KCNK5: variants seen among roughly 807,000 people sequenced by gnomAD.
KCNK5 encodes potassium channel subfamily K member 5.
KCNK5 carries 18 observed loss-of-function variants against 32.9 expected under a neutral mutation model. The observed-to-expected ratio is 0.55, with a 90% CI of 0.38 to 0.81. The LOEUF is 0.81. Among genes scored for constraint, KCNK5 ranks in the 30% least tolerant of loss-of-function variants. KCNK5 has a pLI of 0.00. For missense variants in KCNK5, 507 were observed against 651.0 expected (o/e 0.78, Z 2.41); for synonymous variants, 276 against 275.3 (o/e 1.00, Z -0.03).
rs1771725135 is a variant in KCNK5 at position 39,229,135 on chromosome 6, G to C, written c.-24C>G. The C allele has an allele frequency of 1.2e-6, 2 of 1,612,352 alleles. No homozygotes were observed. Among genetic ancestry groups the C allele is most frequent in the African/African-American group, 1.3e-5 (1 of 75,034 alleles). On this transcript the variant is annotated 5_prime_UTR_variant, in exon 1 of 5. Coordinates refer to ENST00000359534, the MANE Select transcript of KCNK5 (RefSeq NM_003740.4). ...ATGGCTCCCGAGCGGCCGCCTCCTAGAGAAAGCCTCTCCTAGCCCCAGCTG... is the reference window on the plus strand; with the variant it reads ...ATGGCTCCCGAGCGGCCGCCTCCTACAGAAAGCCTCTCCTAGCCCCAGCTG...
Position 39,191,389 on chromosome 6 carries a change from A to C in KCNK5, c.1001T>G (p.Leu334Arg). 2 of 1,613,314 alleles carry C rather than the reference A, an allele frequency of 1.2e-6. No homozygotes were observed. Among genetic ancestry groups the C allele is most frequent in the Non-Finnish European group, 8.5e-7 (1 of 1,179,990 alleles). ...CACCAGGGAAGGGGGCAGTGCTGGG[A>C]GCCCACCGCCTTGAGGCCCCAGCCC... ...GPGLGPQGGG[L>R]PALPPSLVPL... is the part of the protein sequence containing the mutation. The change falls in exon 5 of 5, where the codon CTC becomes CGC. Residue 334 changes from leucine (L) to arginine (R), a missense_variant. This residue lies in a region of KCNK5 where 252 missense variants were observed against 250.8 expected (regional missense o/e 1.00). Coordinates refer to ENST00000359534, the MANE Select transcript of KCNK5 (RefSeq NM_003740.4). This position sits in a 1 kb window ranked among gnomAD's most constrained non-coding sequence, Gnocchi z 5.8.
chr6:39,204,888 G>T (rs937801083), intron 1 of KCNK5, among the ~76,000 whole-genome samples: 5 of 152,252 alleles, frequency 3.3e-5, no homozygotes, highest in Non-Finnish European at 4.4e-5. Context: ...CTCACGCTCA[G>T]GAGGGCAAGC....
In KCNK5 at chr6:39,210,043, G is replaced by A. The variant is rs116313929; in HGVS notation, c.187-14056C>T. ...GGGTAAGAGTGCTTTGTATGTGGCC[G>A]GGAGGATATAATGAAAGAAGGGAAA... On this transcript the variant is annotated intron_variant, in intron 1 of 4. Coordinates refer to ENST00000359534, the MANE Select transcript of KCNK5 (RefSeq NM_003740.4). Among the ~76,000 whole-genome samples the A allele has an allele frequency of 5.8e-3, 878 of 152,262 alleles. 7 individuals carry two copies. The highest frequency in any genetic ancestry group is 0.02 in the African/African-American group (822 of 41,556).
At chr6:39,210,214 A>G (rs1252081237) in intron 1 of KCNK5, among the ~76,000 whole-genome samples, 2 of 152,088 alleles carry the variant, frequency 1.3e-5, no homozygotes, top group Non-Finnish European at 2.9e-5. Context: ...GTCTCCCCTC[A>G]AGCCTGCTGA....
chr6:39,228,255 C>T (rs1171716941), intron 1 of KCNK5, among the ~76,000 whole-genome samples: 1 of 152,192 alleles, frequency 6.6e-6, no homozygotes, highest in Non-Finnish European at 1.5e-5. Context: ...CAACCTGCTA[C>T]TTTCACAAAG....
At chr6:39,218,395 A>G (rs1267905458) in intron 1 of KCNK5, among the ~76,000 whole-genome samples, 1 of 152,140 alleles carries the variant, frequency 6.6e-6, no homozygotes, top group Non-Finnish European at 1.5e-5. Flanking sequence ...AGGGATTAGA[A>G]ATAAAGTGAG....
intron 1 of KCNK5, among the ~76,000 whole-genome samples, chr6:39,207,107 C>T (rs1390641625): frequency 1.3e-5 from 2 of 152,222 alleles, no homozygotes; most frequent in Non-Finnish European, 2.9e-5. Context: ...GTTCACCCCC[C>T]TGTGCCTTTG....
At chr6:39,223,184 T>C (rs1309368248) in intron 1 of KCNK5, among the ~76,000 whole-genome samples, 2 of 152,178 alleles carry the variant, frequency 1.3e-5, no homozygotes, top group Admixed American at 1.3e-4. Flanking sequence ...AAATGGCAGC[T>C]AACACTTAGT....
At position 39,194,114 on chromosome 6, in the gene KCNK5, T is replaced by G. The variant is rs1005570971; in HGVS notation, c.634+55A>C. On this transcript the variant is annotated intron_variant, in intron 4 of 4. Coordinates refer to ENST00000359534, the MANE Select transcript of KCNK5 (RefSeq NM_003740.4). This position sits in a 1 kb window ranked among gnomAD's most constrained non-coding sequence, Gnocchi z 4.7. ...TAGGGCACCCCCAACATAGGTCTGT[T>G]GCACTGAAACCAAAGAAGCAGAAAA... 6.2e-7 allele frequency: 1 copy of G among 1,600,136 alleles called. No individual in the cohort carries two copies. Among genetic ancestry groups the G allele is most frequent in the African/African-American group, 1.3e-5 (1 of 74,670 alleles).
At chr6:39,201,832 C>T (rs1176897456) in intron 1 of KCNK5, among the ~76,000 whole-genome samples, 1 of 152,204 alleles carries the variant, frequency 6.6e-6, no homozygotes, top group Non-Finnish European at 1.5e-5. Context: ...TGCCAGTACC[C>T]TCTAAAGTTT....
intron 1 of KCNK5, among the ~76,000 whole-genome samples, chr6:39,211,393 C>T (rs1332321584): frequency 6.6e-6 from 1 of 152,212 alleles, no homozygotes; most frequent in African/African-American, 2.4e-5. Flanking sequence ...CACATGCTTT[C>T]TGTCAGCTGG....
intron 1 of KCNK5, among the ~76,000 whole-genome samples, chr6:39,218,219 C>T (rs897313586): frequency 4.6e-5 from 7 of 151,910 alleles, no homozygotes; most frequent in Admixed American, 1.3e-4. Flanking sequence ...TACAGGTGCC[C>T]ACCACCACGT....
chr6:39,207,300 C>T (rs1288495971), intron 1 of KCNK5, among the ~76,000 whole-genome samples: 3 of 152,210 alleles, frequency 2.0e-5, no homozygotes, highest in Non-Finnish European at 4.4e-5. Context: ...AGTTATCTAC[C>T]CTAAATAGAT....
At chr6:39,193,692 A>C (rs1401278935) in intron 4 of KCNK5, among the ~76,000 whole-genome samples, 1 of 152,224 alleles carries the variant, frequency 6.6e-6, no homozygotes, top group African/African-American at 2.4e-5. Context: ...CTTGTCTTTA[A>C]GCTGCTACAG....
At chr6:39,192,752 G>C (rs947939971) in intron 4 of KCNK5, among the ~76,000 whole-genome samples, 4 of 152,014 alleles carry the variant, frequency 2.6e-5, no homozygotes, top group African/African-American at 9.7e-5. Flanking sequence ...AGCTCTGAAG[G>C]TTCCCCCTAC....
intron 1 of KCNK5, among the ~76,000 whole-genome samples, chr6:39,196,740 G>A (rs1256240438): frequency 6.6e-6 from 1 of 152,220 alleles, no homozygotes; most frequent in Non-Finnish European, 1.5e-5. Context: ...GCAGCTGTCT[G>A]GGAAGGGACA....
At position 39,194,687 on chromosome 6, in the gene KCNK5, C is replaced by T. The variant is rs755533823; in HGVS notation, c.372G>A (p.Pro124=). ...FCVFYGLFGV[P]LCLTWISALG... ...GGGCACTGATCCACGTCAGGCAGAG[C>T]GGCACCCCGAAGAGACCATAGAAAA... The change falls in exon 3 of 5, where the codon CCG becomes CCA. Residue 124 remains proline (P), a synonymous_variant. Transcript: ENST00000359534. This position sits in a 1 kb window ranked among gnomAD's most constrained non-coding sequence, Gnocchi z 4.7. The T allele has an allele frequency of 3.9e-5, 63 of 1,614,052 alleles. No homozygotes were observed. Among genetic ancestry groups the T allele is most frequent in the South Asian group, 2.4e-4 (22 of 91,052 alleles).
intron 1 of KCNK5, among the ~76,000 whole-genome samples, chr6:39,212,057 G>A (rs1310402396): frequency 2.6e-5 from 4 of 151,880 alleles, no homozygotes; most frequent in Admixed American, 6.6e-5. Context: ...GGAGGCTGAG[G>A]TAGGCAGATC....
At position 39,194,051 on chromosome 6, in the gene KCNK5, A is replaced by C. The variant is rs1240340250; in HGVS notation, c.634+118T>G. The C allele has an allele frequency of 9.1e-7, 1 of 1,094,590 alleles. No individual in the cohort carries two copies. Among genetic ancestry groups the C allele is most frequent in the Non-Finnish European group, 1.4e-6 (1 of 731,692 alleles). 67.8% of individuals were successfully genotyped at this position (1,094,590 alleles called of 1,614,324 possible). ...AATGGCAGAGTGGGTTGAGAATCCC[A>C]CTGGGTAAGAGAAGTGCCCAGAACA... is the stretch of plus-strand genomic sequence containing the variant. On this transcript the variant is annotated intron_variant, in intron 4 of 4. Transcript: ENST00000359534. This position sits in a 1 kb window ranked among gnomAD's most constrained non-coding sequence, Gnocchi z 4.7.
Sources: allele counts gnomAD v4.1 joint callset (sites outside exome capture counted in the v4.1 genomes callset), GRCh38; gene constraint gnomAD v4.1.1; regional missense constraint gnomAD v4.1.1; non-coding constraint Gnocchi (gnomAD v3.1); transcripts MANE v1.5; gene names NCBI Gene and HGNC (gene_info 2026-07-23, HGNC 2026-07-21).